The following ALX3 variants were observed in gnomAD, a reference collection of about 807,000 sequenced individuals.
The protein encoded by ALX3 is homeobox protein aristaless-like 3.
A neutral mutation model predicts 26.3 loss-of-function variants in ALX3; 17 were observed. That is an observed-to-expected ratio of 0.65 (90% CI 0.44 to 0.97). ALX3 has a LOEUF of 0.97. ALX3 is among the 50% of genes least tolerant of loss of function. The probability of loss-of-function intolerance (pLI) is 0.00; values close to 1 mark genes in which losing one functional copy is unlikely to be tolerated. For missense variants in ALX3, 461 were observed against 466.5 expected (o/e 0.99, Z 0.11); for synonymous variants, 208 against 201.4 (o/e 1.03, Z -0.28).
chr1:110,065,977 C>G (rs941140691), intron 1 of ALX3, among the ~76,000 whole-genome samples: 46 of 152,372 alleles, frequency 3.0e-4, no homozygotes, highest in African/African-American at 1.0e-3. Context: ...TGAGACGCCA[C>G]AAAGACGCCC....
At chr1:110,067,428 AGCTGTTG>A (rs1476036589) in intron 1 of ALX3, among the ~76,000 whole-genome samples, 1 of 152,210 alleles carries the variant, frequency 6.6e-6, no homozygotes, top group Admixed American at 6.5e-5. Flanking sequence ...CCACAGCAGC[AGCTGTTG>A]GGCGTGAAAG....
At chr1:110,061,874 G>A (rs756345733) in intron 2 of ALX3, 5 of 436,768 alleles carry the variant, frequency 1.1e-5, no homozygotes, top group Non-Finnish European at 2.1e-5. Flanking sequence ...GGGCCTCAGG[G>A]GCCCTAGGTA....
intron 2 of ALX3, among the ~76,000 whole-genome samples, chr1:110,063,855 A>G (rs951297766): frequency 1.3e-5 from 2 of 151,806 alleles, no homozygotes; most frequent in African/African-American, 4.8e-5. Context: ...CACTTCCAGC[A>G]TGCTTGGACG....
Position 110,059,948 on chromosome 1 carries a change from CAAAA to C in ALX3, c.*781_*784del, listed in dbSNP as rs1198877635. 5.1e-4 allele frequency: 70 copies of C among 136,212 alleles called. No individual in the cohort carries two copies. The highest frequency in any genetic ancestry group is 1.5e-3 in the African/African-American group (54 of 36,446). 8.4% of individuals were successfully genotyped at this position (136,212 alleles called of 1,614,324 possible). On this transcript the variant is annotated 3_prime_UTR_variant, in exon 4 of 4. Transcript: ENST00000647563. ...CTCTCTCCTTTTTTTTTTTTTTAAA[CAAAA>C]AAAACACAAAAGTGTCTGTACAAAA...
At chr1:110,065,858 G>T (rs1329171761) in intron 1 of ALX3, among the ~76,000 whole-genome samples, 1 of 152,206 alleles carries the variant, frequency 6.6e-6, no homozygotes, top group African/African-American at 2.4e-5. Flanking sequence ...GACCGACAGA[G>T]CATGGTGAAA....
intron 1 of ALX3, among the ~76,000 whole-genome samples, chr1:110,066,498 A>G (rs1208928972): frequency 6.6e-6 from 1 of 151,596 alleles, no homozygotes; most frequent in Admixed American, 6.6e-5. Context: ...ATAGAAGCTT[A>G]GGAAGGAAGA....
Position 110,068,528 on chromosome 1 carries a change from A to C in ALX3, c.277+1808T>G, listed in dbSNP as rs553856647. On this transcript the variant is annotated intron_variant, in intron 1 of 3. Coordinates refer to ENST00000647563, the MANE Select transcript of ALX3 (RefSeq NM_006492.3). ...CTTTCGTTTGGCCTGTCCTCCGTTCAACTGAAATCGTTAATTTTCTTACCC... is the reference window on the plus strand; with the variant it reads ...CTTTCGTTTGGCCTGTCCTCCGTTCCACTGAAATCGTTAATTTTCTTACCC... Among the ~76,000 whole-genome samples, 165 of 152,344 alleles carry C rather than the reference A, an allele frequency of 1.1e-3. 3 individuals carry two copies. In the South Asian group the frequency reaches 0.033, roughly 31 times the overall value.
chr1:110,065,848 G>A (rs1201066472), intron 1 of ALX3, among the ~76,000 whole-genome samples: 3 of 152,200 alleles, frequency 2.0e-5, no homozygotes, highest in Non-Finnish European at 4.4e-5. Context: ...ATGGTGGATC[G>A]ACCGACAGAG....
chr1:110,062,645 G>GCGCGCGCGCGCGC (rs57279963), intron 2 of ALX3: 2 of 132,300 alleles, frequency 1.5e-5, no homozygotes, highest in African/African-American at 5.6e-5. Context: ...GTGTGTGTGT[G>GCGCGCGCGCGCGC]GAGTAATCCG....
chr1:110,070,567 C>G lies in ALX3; in HGVS notation c.46G>C (p.Gly16Arg). 2.3e-6 allele frequency: 3 copies of G among 1,307,734 alleles called. No homozygotes were observed. Among genetic ancestry groups the G allele is most frequent in the Non-Finnish European group, 2.9e-6 (3 of 1,026,174 alleles). 81.0% of individuals were successfully genotyped at this position (1,307,734 alleles called of 1,614,324 possible). The change falls in exon 1 of 4, where the codon GGC becomes CGC. Residue 16 changes from glycine to arginine, a missense_variant. By Grantham distance (125) the Gly-to-Arg change is moderately radical. Around this residue, in one of 3 missense-constraint regions of ALX3, gnomAD observed 241 missense variants for 206.1 expected, o/e 1.17. Transcript: ENST00000647563. ...TCGTCCCCCGAGGCCACATAGGGGC[C>G]GGGTGCAGGCCCCACGCGGAAAGGC... ...CAPFRVGPAP[G>R]PYVASGDEPP...
chr1:110,070,367 G>A lies in ALX3; in HGVS notation c.246C>T (p.Asn82=), dbSNP rs764336621. 3.9e-6 allele frequency: 5 copies of A among 1,289,266 alleles called. No individual in the cohort carries two copies. Among genetic ancestry groups the A allele is most frequent in the Non-Finnish European group, 3.9e-6 (4 of 1,018,430 alleles). 79.9% of individuals were successfully genotyped at this position (1,289,266 alleles called of 1,614,324 possible). The change falls in exon 1 of 4, where the codon AAC becomes AAT. Residue 82 remains asparagine, a synonymous_variant. Transcript: ENST00000647563. ...LQDLGPGPAL[N]GGHFYEGPAE... is the part of the protein sequence containing the mutation. ...CGGGGCCCTCGTAGAAGTGGCCGCC[G>A]TTGAGGGCCGGGCCGGGCCCGAGGT...
chr1:110,067,331 C>T (rs145377355), intron 1 of ALX3, among the ~76,000 whole-genome samples: 172 of 152,320 alleles, frequency 1.1e-3, no homozygotes, highest in African/African-American at 3.8e-3. Flanking sequence ...GCACCTGATC[C>T]GGACACTAGG....
Position 110,060,615 on chromosome 1 carries a change from G to T in ALX3, c.*118C>A. On this transcript the variant is annotated 3_prime_UTR_variant, in exon 4 of 4. Coordinates refer to ENST00000647563, the MANE Select transcript of ALX3 (RefSeq NM_006492.3). ...ACGTGTTCCCTGCTGGGGGCTGACA[G>T]TGCCAGCTGCTCTCGCAGCCTCCAG... 1 of 579,034 alleles carries T rather than the reference G, an allele frequency of 1.7e-6. No individual in the cohort carries two copies. The allele number at this position is 579,034 out of a possible 1,614,324, so 35.9% of individuals were successfully genotyped here.
chr1:110,069,980 A>G (rs981171084), intron 1 of ALX3, among the ~76,000 whole-genome samples: 30 of 152,168 alleles, frequency 2.0e-4, no homozygotes, highest in African/African-American at 7.2e-4. Context: ...TCTGGGCTTC[A>G]GGGTAGGTGG....
chr1:110,066,572 T>TCTC (rs1653790992), intron 1 of ALX3, among the ~76,000 whole-genome samples: 1 of 72,590 alleles, frequency 1.4e-5, no homozygotes, highest in African/African-American at 5.4e-5. Context: ...GAATGGGACA[T>TCTC]CCCCCCCCCC....
intron 2 of ALX3, chr1:110,061,780 G>C (rs909367938): frequency 1.5e-6 from 1 of 657,822 alleles, no homozygotes; most frequent in Admixed American, 3.0e-5. Context: ...GGCCCCATGG[G>C]CCTCCAGCTG....
chr1:110,070,202 T>C, intron 1 of ALX3, 134 bp downstream of exon 1: 1 of 1,037,712 alleles, frequency 9.6e-7, no homozygotes, highest in African/African-American at 1.7e-5. Context: ...GTGGAAGCCG[T>C]GGCGAAAGGC....
intron 2 of ALX3, chr1:110,061,785 C>T (rs942298501): frequency 1.4e-5 from 9 of 631,642 alleles, no homozygotes; most frequent in African/African-American, 7.3e-5. Flanking sequence ...CATGGGCCTC[C>T]AGCTGTCACT....
intron 1 of ALX3, among the ~76,000 whole-genome samples, chr1:110,068,868 G>C (rs1265992878): frequency 6.6e-6 from 1 of 152,102 alleles, no homozygotes; most frequent in Non-Finnish European, 1.5e-5. Flanking sequence ...CCTTGCCGTC[G>C]GATCCCGGGG....
Sources: gnomAD v4.1 joint callset for allele counts (sites outside exome capture counted in the v4.1 genomes callset) on GRCh38, gnomAD v4.1.1 for gene constraint, gnomAD v4.1.1 regional missense constraint, MANE v1.5 for transcripts, NCBI Gene and HGNC (gene_info 2026-07-23, HGNC 2026-07-21) for gene names.